Variants in HPCAL4 observed in about 807,000 individuals in gnomAD.
HPCAL4 encodes hippocalcin like 4.
In HPCAL4, 16 loss-of-function variants were observed where a neutral mutation model predicts 18.2. That is an observed-to-expected ratio of 0.88 (90% CI 0.59 to 1.33). The LOEUF (loss-of-function observed/expected upper bound fraction) is 1.33. Ranked by LOEUF, HPCAL4 falls within the 40% of genes most tolerant of loss-of-function variation. HPCAL4 has a pLI of 0.00. For missense variants in HPCAL4, 214 were observed against 256.6 expected, an observed-to-expected ratio of 0.83 and a Z score of 1.14; for synonymous variants, 80 against 97.5, an observed-to-expected ratio of 0.82 and a Z score of 1.06.
At chr1:39,685,715 T>TA (rs758747314) in intron 1 of HPCAL4, among the ~76,000 whole-genome samples, 82 of 151,646 alleles carry the variant, frequency 5.4e-4, no homozygotes, top group African/African-American at 1.9e-3. Context: ...CTGTCTCTAC[T>TA]ACAAATACAA....
chr1:39,684,673 G>T, intron 1 of HPCAL4, 62 bp from the exon 2 acceptor site: 1 of 1,398,310 alleles, frequency 7.2e-7, no homozygotes, highest in Non-Finnish European at 9.4e-7. Context: ...AGCCACAGCT[G>T]CCCCCTCCCC....
chr1:39,683,990 C>T lies in HPCAL4; in HGVS notation c.325G>A (p.Asp109Asn). 6.2e-7 allele frequency: 1 copy of T among 1,613,984 alleles called. No individual in the cohort carries two copies. The highest frequency in any genetic ancestry group is 2.2e-5 in the East Asian group (1 of 44,870). ...GTGATGCGCCCGTCGCCGTCCAGGT[C>T]GTACATCTCAAAGGCCCAGTTGAGC... ...QKLNWAFEMY[D>N]LDGDGRITRL... The change falls in exon 3 of 4, where the codon GAC (aspartate) becomes AAC (asparagine). Residue 109 changes from aspartate to asparagine, a missense_variant. Coordinates refer to ENST00000372844, the MANE Select transcript of HPCAL4 (RefSeq NM_016257.4).
rs1277433048 is a variant in HPCAL4, at chr1:39,682,599, G to A, written c.513C>T (p.Phe171=). 7.4e-6 allele frequency: 12 copies of A among 1,614,122 alleles called. No homozygotes were observed. Among genetic ancestry groups the A allele is most frequent in the Non-Finnish European group, 1.0e-5 (12 of 1,180,056 alleles). The change falls in exon 4 of 4, where the codon TTC becomes TTT. Residue 171 remains phenylalanine (F), a synonymous_variant. Coordinates refer to ENST00000372844, the MANE Select transcript of HPCAL4 (RefSeq NM_016257.4). The part of the protein sequence containing the change: ...DKDDQITLEE[F]KEAAKSDPSI... The stretch of plus-strand genomic sequence containing the variant: ...ATGGGTCACTCTTGGCTGCCTCCTT[G>A]AACTCCTCCAATGTAATCTGGTCGT...
chr1:39,680,460 A>G lies in HPCAL4; in HGVS notation c.*2076T>C. ...TAGGCTAGATTCAGCATTTGCAGGG[A>G]AGGAACCTCACTTAGTGAAAAGCTT... On this transcript the variant is annotated 3_prime_UTR_variant, in exon 4 of 4. Coordinates refer to ENST00000372844, the MANE Select transcript of HPCAL4 (RefSeq NM_016257.4). The G allele has an allele frequency of 6.6e-6, 1 of 152,204 alleles. No individual in the cohort carries two copies. The highest frequency in any genetic ancestry group is 1.5e-5 in the Non-Finnish European group (1 of 68,026). 9.4% of individuals were successfully genotyped at this position (152,204 alleles called of 1,614,324 possible).
chr1:39,682,716 C>A lies in HPCAL4; in HGVS notation c.396G>T (p.Val132=). 6.2e-7 allele frequency: 1 copy of A among 1,614,098 alleles called. No homozygotes were observed. Among genetic ancestry groups the A allele is most frequent in the Non-Finnish European group, 8.5e-7 (1 of 1,180,024 alleles). The change falls in exon 4 of 4, where the codon GTG becomes GTT. Residue 132 remains valine, a synonymous_variant. Coordinates refer to ENST00000372844, the MANE Select transcript of HPCAL4 (RefSeq NM_016257.4). ...TCATGCGCATCATGATCACGGTGCC[C>A]ACCATCTTGTAGATTGCCTGGTGAG... is the stretch of plus-strand genomic sequence containing the variant. ...LEIIEAIYKM[V]GTVIMMRMNQ... is the part of the protein sequence containing the mutation.
At position 39,681,942 on chromosome 1, in the gene HPCAL4, CACAACCCTATG is replaced by C. The variant is rs1313645544; in HGVS notation, c.*583_*593del. ...GACCCTGACGGCTGGAAGTTTGCCT[CACAACCCTATG>C]AGCTTCCAGAGGGCACAAGATGTGT... is the stretch of plus-strand genomic sequence containing the variant. On this transcript the variant is annotated 3_prime_UTR_variant, in exon 4 of 4. Coordinates refer to ENST00000372844, the MANE Select transcript of HPCAL4 (RefSeq NM_016257.4). 6.5e-6 allele frequency: 1 copy of C among 153,200 alleles called. No homozygotes were observed. Among genetic ancestry groups the C allele is most frequent in the Non-Finnish European group, 1.5e-5 (1 of 68,532 alleles). The allele number at this position is 153,200 out of a possible 1,614,324, so 9.5% of individuals were successfully genotyped here.
Position 39,681,630 on chromosome 1 carries a change from T to G in HPCAL4, c.*906A>C, listed in dbSNP as rs989811802. On this transcript the variant is annotated 3_prime_UTR_variant, in exon 4 of 4. Coordinates refer to ENST00000372844, the MANE Select transcript of HPCAL4 (RefSeq NM_016257.4). The stretch of plus-strand genomic sequence containing the variant: ...CCTTTCTTCTCAGGTTTTTTCCCCT[T>G]GAAAATTAATATTTTCTCTATTCAT... The G allele has an allele frequency of 3.1e-4, 47 of 152,324 alleles. No individual in the cohort carries two copies. The highest frequency in any genetic ancestry group is 1.1e-3 in the African/African-American group (47 of 41,584). The allele number at this position is 152,324 out of a possible 1,614,324, so 9.4% of individuals were successfully genotyped here.
chr1:39,689,253 C>T (rs1256451175), intron 1 of HPCAL4, among the ~76,000 whole-genome samples: 2 of 152,082 alleles, frequency 1.3e-5, no homozygotes, highest in Non-Finnish European at 2.9e-5. Context: ...GGTTTTTTCT[C>T]TCTTATAGCT....
rs1646647809 is a variant in HPCAL4, at chr1:39,683,821, G to A, written c.378+116C>T. On this transcript the variant is annotated intron_variant, in intron 3 of 3. Transcript: ENST00000372844. ...GCCTGTAGCGGGGTGGTAGGAGGCGGGATCGCAGGCTGGGGAGCAGCAGGG... is the reference window on the plus strand; with the variant it reads ...GCCTGTAGCGGGGTGGTAGGAGGCGAGATCGCAGGCTGGGGAGCAGCAGGG... 40 of 876,218 alleles carry A rather than the reference G, an allele frequency of 4.6e-5. 1 individual carries two copies. In the Middle Eastern group the frequency reaches 1.3e-3, roughly 29 times the overall value. 54.3% of individuals were successfully genotyped at this position (876,218 alleles called of 1,614,324 possible).
chr1:39,688,760 G>A (rs1426125784), intron 1 of HPCAL4, among the ~76,000 whole-genome samples: 3 of 152,134 alleles, frequency 2.0e-5, no homozygotes, highest in East Asian at 1.9e-4. Flanking sequence ...AGCCAGACAC[G>A]CCTCACCTCT....
At position 39,680,711 on chromosome 1, in the gene HPCAL4, CCCAGTGGTTGCAAA is replaced by C. The variant is rs1646617438; in HGVS notation, c.*1811_*1824del. 2 of 152,162 alleles carry C rather than the reference CCCAGTGGTTGCAAA, an allele frequency of 1.3e-5. No homozygotes were observed. The highest frequency in any genetic ancestry group is 2.4e-5 in the African/African-American group (1 of 41,446). 9.4% of individuals were successfully genotyped at this position (152,162 alleles called of 1,614,324 possible). On this transcript the variant is annotated 3_prime_UTR_variant, in exon 4 of 4. Transcript: ENST00000372844. Reference sequence around the variant, plus strand: ...CAAGAGGATAGCAAAAGGATAGCAACCCAGTGGTTGCAAACCAGTGGTTGCTATCCCCAGCAAGA... The same window carrying C: ...CAAGAGGATAGCAAAAGGATAGCAACCCAGTGGTTGCTATCCCCAGCAAGA...
Position 39,682,446 on chromosome 1 carries a change from T to C in HPCAL4, c.*90A>G. 8.1e-7 allele frequency: 1 copy of C among 1,236,118 alleles called. No homozygotes were observed. Among genetic ancestry groups the C allele is most frequent in the South Asian group, 1.3e-5 (1 of 77,846 alleles). 76.6% of individuals were successfully genotyped at this position (1,236,118 alleles called of 1,614,324 possible). A position where few individuals can be genotyped will look rare whatever the true frequency, so the allele number is the denominator to read the frequency against. On this transcript the variant is annotated 3_prime_UTR_variant, in exon 4 of 4. Coordinates refer to ENST00000372844, the MANE Select transcript of HPCAL4 (RefSeq NM_016257.4). ...TGGGCCAGAGAGGGGGGCTGGAGTG[T>C]CCCTCCTCCTGGGAGGCCAGCCAGA... is the stretch of plus-strand genomic sequence containing the variant.
rs1244303173 is a variant in HPCAL4, at chr1:39,683,923, G to A, written c.378+14C>T. 6.2e-7 allele frequency: 1 copy of A among 1,608,962 alleles called. No homozygotes were observed. ...GCTGGCCTCGGGAACAGCAGCGCCC[G>A]CGCGGCCCCGCACCTCGATGATCTC... is the stretch of plus-strand genomic sequence containing the variant. On this transcript the variant is annotated intron_variant, in intron 3 of 3. Transcript: ENST00000372844.
intron 1 of HPCAL4, among the ~76,000 whole-genome samples, chr1:39,688,392 T>A (rs1646692976): frequency 6.6e-6 from 1 of 152,200 alleles, no homozygotes; most frequent in Admixed American, 6.5e-5. Context: ...ATTTTTTCCC[T>A]TCCCTTTGCC....
chr1:39,688,213 A>G (rs538971976), intron 1 of HPCAL4, among the ~76,000 whole-genome samples: 1 of 152,230 alleles, frequency 6.6e-6, no homozygotes, highest in African/African-American at 2.4e-5. Flanking sequence ...TGGGGCCACA[A>G]TCTCTGACAC....
chr1:39,686,180 CAAAAAA>C (rs35915782), intron 1 of HPCAL4, among the ~76,000 whole-genome samples: 1 of 86,480 alleles, frequency 1.2e-5, no homozygotes, highest in Non-Finnish European at 2.3e-5. Context: ...GACTCCGTCT[CAAAAAA>C]AAAAAAAAAA....
chr1:39,685,606 A>G (rs142483715), intron 1 of HPCAL4, among the ~76,000 whole-genome samples: 4,389 of 152,234 alleles, frequency 0.029, 94 homozygotes, highest in Middle Eastern at 0.051. Flanking sequence ...GCGGCCGGGC[A>G]CGGTGGCTCA....
intron 1 of HPCAL4, among the ~76,000 whole-genome samples, chr1:39,686,259 G>C (rs182958993): frequency 7.2e-5 from 11 of 152,236 alleles, no homozygotes; most frequent in Non-Finnish European, 1.6e-4. Flanking sequence ...GCTAAGATGG[G>C]AGGATCACTT....
intron 1 of HPCAL4, 74 bp from the exon 2 acceptor site, chr1:39,684,685 G>T: frequency 7.5e-7 from 1 of 1,329,944 alleles, no homozygotes; most frequent in Admixed American, 2.7e-5. Context: ...CCCCTCCCCT[G>T]CCACACACAG....
Sources: gnomAD v4.1 joint callset for allele counts (sites outside exome capture counted in the v4.1 genomes callset) on GRCh38, gnomAD v4.1.1 for gene constraint, MANE v1.5 for transcripts, NCBI Gene and HGNC (gene_info 2026-07-23, HGNC 2026-07-21) for gene names.